MLLT3: variants seen among roughly 807,000 people sequenced by gnomAD.
MLLT3 encodes protein AF-9.
MLLT3 carries 4 observed loss-of-function variants against 53.2 expected under a neutral mutation model. The observed-to-expected ratio is 0.08, with a 90% CI of 0.04 to 0.17. The LOEUF (loss-of-function observed/expected upper bound fraction) is 0.17, where lower values mean the gene tolerates loss of function less well. Ranked by LOEUF, MLLT3 falls within the 10% of genes least tolerant of loss-of-function variation. The pLI is 1.00. For missense variants in MLLT3, 569 were observed against 684.0 expected (o/e 0.83, Z 1.87); for synonymous variants, 283 against 230.6 (o/e 1.23, Z -2.06).
chr9:20,471,681 T>C (rs770146446), intron 2 of MLLT3, among the ~76,000 whole-genome samples: 3 of 152,042 alleles, frequency 2.0e-5, no homozygotes, highest in East Asian at 1.9e-4. Context: ...CTGCCAAACA[T>C]TCGTCTTAAA....
intron 2 of MLLT3, among the ~76,000 whole-genome samples, chr9:20,507,705 C>T (rs1398873235): frequency 2.9e-5 from 4 of 136,830 alleles, no homozygotes; most frequent in Non-Finnish European, 6.2e-5. Flanking sequence ...AGAAAATTAA[C>T]CAATCACAAA....
At chr9:20,479,264 AGTT>A in intron 2 of MLLT3, among the ~76,000 whole-genome samples, 1 of 152,256 alleles carries the variant, frequency 6.6e-6, no homozygotes, top group East Asian at 1.9e-4. Flanking sequence ...TTCTTAGGAA[AGTT>A]GTTAACTGTG....
chr9:20,567,304 T>TAAAA (rs35505450), intron 2 of MLLT3, among the ~76,000 whole-genome samples: 72 of 79,704 alleles, frequency 9.0e-4, no homozygotes, highest in African/African-American at 1.4e-3. Flanking sequence ...CTATATTCAG[T>TAAAA]AAAAAAAAAA....
chr9:20,476,710 T>C (rs1824530421), intron 2 of MLLT3, among the ~76,000 whole-genome samples: 1 of 152,166 alleles, frequency 6.6e-6, no homozygotes, highest in African/African-American at 2.4e-5. Context: ...TTTTTACATT[T>C]GAAGACAGTA....
At chr9:20,523,749 G>A (rs1216197813) in intron 2 of MLLT3, among the ~76,000 whole-genome samples, 4 of 152,012 alleles carry the variant, frequency 2.6e-5, no homozygotes, top group Non-Finnish European at 4.4e-5. Context: ...GAGGGCAATC[G>A]CTTGAGCTCA....
intron 10 of MLLT3, among the ~76,000 whole-genome samples, chr9:20,350,781 A>T (rs1821006239): frequency 6.6e-6 from 1 of 152,176 alleles, no homozygotes; most frequent in South Asian, 2.1e-4. Flanking sequence ...ATTTTGTTTT[A>T]AACAGGGTAA....
In MLLT3 at chr9:20,621,065, C is replaced by T; in HGVS notation, c.13-231G>A. On this transcript the variant is annotated intron_variant, in intron 1 of 10. Coordinates refer to ENST00000380338, the MANE Select transcript of MLLT3 (RefSeq NM_004529.4). The surrounding 1 kb of genome is among the most constrained non-coding windows in gnomAD (Gnocchi z 7.0). ...GGCGCCCCGGGCCCCGCATCTACATCGGACAGGATTGTAACGGAATGTTAT... is the reference window on the plus strand; with the variant it reads ...GGCGCCCCGGGCCCCGCATCTACATTGGACAGGATTGTAACGGAATGTTAT... 1 of 671,018 alleles carries T rather than the reference C, an allele frequency of 1.5e-6. No homozygotes were observed. Among genetic ancestry groups the T allele is most frequent in the Non-Finnish European group, 2.7e-6 (1 of 370,472 alleles). The allele number at this position is 671,018 out of a possible 1,614,324, so 41.6% of individuals were successfully genotyped here.
At chr9:20,516,742 G>C (rs184855553) in intron 2 of MLLT3, among the ~76,000 whole-genome samples, 23 of 152,264 alleles carry the variant, frequency 1.5e-4, no homozygotes, top group Admixed American at 9.8e-4. Context: ...TGTTAAATTG[G>C]TAACACATTT....
intron 2 of MLLT3, among the ~76,000 whole-genome samples, chr9:20,567,761 A>G (rs554448745): frequency 7.0e-4 from 107 of 152,264 alleles, no homozygotes; most frequent in Non-Finnish European, 1.4e-3. Flanking sequence ...TACATTAACC[A>G]AACAGGTTTT....
At chr9:20,529,111 T>C (rs1818267674) in intron 2 of MLLT3, among the ~76,000 whole-genome samples, 2 of 152,194 alleles carry the variant, frequency 1.3e-5, no homozygotes. Flanking sequence ...ATTTTAAAAC[T>C]ACTGACTCTA....
chr9:20,472,835 A>T (rs542640912), intron 2 of MLLT3, among the ~76,000 whole-genome samples: 1 of 152,122 alleles, frequency 6.6e-6, no homozygotes, highest in African/African-American at 2.4e-5. Context: ...GTCATTCAAA[A>T]GTTGGCCACA....
chr9:20,588,447 C>T (rs901708510), intron 2 of MLLT3, among the ~76,000 whole-genome samples: 2 of 152,072 alleles, frequency 1.3e-5, no homozygotes, highest in African/African-American at 4.8e-5. Flanking sequence ...TGGCCATTTT[C>T]ACGATATTGA....
intron 2 of MLLT3, among the ~76,000 whole-genome samples, chr9:20,619,104 C>T (rs995759028): frequency 6.6e-6 from 1 of 152,158 alleles, no homozygotes; most frequent in Admixed American, 6.5e-5. Context: ...GCATATCAAC[C>T]TCATCAGCGA....
chr9:20,342,197 A>T lies in MLLT3; in HGVS notation c.*4246T>A, dbSNP rs183860035. ...GCAAATCAGTACAATTATACATTTT[A>T]AAAAAGGTGCTGAAACAGATTATAT... On this transcript the variant is annotated 3_prime_UTR_variant, in exon 11 of 11. Coordinates refer to ENST00000380338, the MANE Select transcript of MLLT3 (RefSeq NM_004529.4). The T allele has an allele frequency of 2.5e-4, 54 of 217,814 alleles. No individual in the cohort carries two copies. The East Asian group carries it at 2.9e-3, about 12-fold the overall frequency. The allele number at this position is 217,814 out of a possible 1,614,324, so 13.5% of individuals were successfully genotyped here.
At chr9:20,550,783 G>T (rs1355492799) in intron 2 of MLLT3, among the ~76,000 whole-genome samples, 1 of 151,958 alleles carries the variant, frequency 6.6e-6, no homozygotes, top group Non-Finnish European at 1.5e-5. Context: ...TAAGAGACAG[G>T]GTCTCACTCT....
intron 10 of MLLT3, among the ~76,000 whole-genome samples, chr9:20,351,832 G>A (rs1319252351): frequency 2.6e-5 from 4 of 152,190 alleles, no homozygotes; most frequent in African/African-American, 9.7e-5. Flanking sequence ...TTTTACAAAA[G>A]GAATTAATTA....
intron 4 of MLLT3, among the ~76,000 whole-genome samples, chr9:20,423,855 G>A (rs374484142): frequency 1.1e-4 from 16 of 151,742 alleles, no homozygotes; most frequent in East Asian, 7.8e-4. Context: ...ACAGCTACTC[G>A]CGAGGGGTGA....
At chr9:20,572,007 C>T (rs887942611) in intron 2 of MLLT3, among the ~76,000 whole-genome samples, 3 of 152,178 alleles carry the variant, frequency 2.0e-5, no homozygotes, top group African/African-American at 7.2e-5. Context: ...TCACATGATC[C>T]ACCAATTTCA....
intron 2 of MLLT3, among the ~76,000 whole-genome samples, chr9:20,476,707 A>T (rs1346815097): frequency 6.6e-6 from 1 of 152,158 alleles, no homozygotes; most frequent in Non-Finnish European, 1.5e-5. Flanking sequence ...AACTTTTTAC[A>T]TTTGAAGACA....
Sources: allele counts gnomAD v4.1 joint callset (sites outside exome capture counted in the v4.1 genomes callset), GRCh38; gene constraint gnomAD v4.1.1; non-coding constraint Gnocchi (gnomAD v3.1); transcripts MANE v1.5; gene names NCBI Gene and HGNC (gene_info 2026-07-23, HGNC 2026-07-21).